ITGB6: variants seen among roughly 807,000 people sequenced by gnomAD.
ITGB6 encodes integrin beta-6.
Under a neutral mutation model 84.5 loss-of-function variants are expected in ITGB6, and 80 were observed. That is an observed-to-expected ratio of 0.95 (90% CI 0.79 to 1.14). The LOEUF (loss-of-function observed/expected upper bound fraction) is 1.14, where lower values mean the gene tolerates loss of function less well. Ranked by LOEUF, ITGB6 falls within the 50% of genes most tolerant of loss-of-function variation. ITGB6 has a pLI of 0.00. For missense variants in ITGB6, 1,006 were observed against 968.0 expected (o/e 1.04, Z -0.52); for synonymous variants, 383 against 354.9 (o/e 1.08, Z -0.89).
At position 160,142,276 on chromosome 2, in the gene ITGB6, T is replaced by A. The variant is rs190151978; in HGVS notation, c.1018-205A>T. On this transcript the variant is annotated intron_variant, in intron 7 of 14. Transcript: ENST00000283249. ...CAAGTGGAAAATGGACTGGACAGAGTCAGCACTGGGGAAATCTAGGGTCTG... is the reference window on the plus strand; with the variant it reads ...CAAGTGGAAAATGGACTGGACAGAGACAGCACTGGGGAAATCTAGGGTCTG... Among the ~76,000 whole-genome samples, 3 of 152,222 alleles carry A rather than the reference T, an allele frequency of 2.0e-5. No individual in the cohort carries two copies. The East Asian group carries it at 5.8e-4, about 29-fold the overall frequency.
intron 6 of ITGB6, among the ~76,000 whole-genome samples, chr2:160,172,231 T>C (rs1685233066): frequency 6.6e-6 from 1 of 152,252 alleles, no homozygotes; most frequent in Non-Finnish European, 1.5e-5. Flanking sequence ...ATGTGGCTAC[T>C]GTTCTGGTCT....
rs201436504 is a variant in ITGB6 at position 160,150,828 on chromosome 2, T to TA, written c.1018-8758dup. On this transcript the variant is annotated intron_variant, in intron 7 of 14. Transcript: ENST00000283249. ...TCCTAGTTTCTGATAAAACAGACTTTAAACCAACAAAGATCAAAAGAGACA... is the reference window on the plus strand; with the variant it reads ...TCCTAGTTTCTGATAAAACAGACTTTAAAACCAACAAAGATCAAAAGAGACA... 8.8e-3 allele frequency among the ~76,000 whole-genome samples: 1,346 copies of TA among 152,136 alleles called. 19 individuals carry two copies. The highest frequency in any genetic ancestry group is 0.031 in the African/African-American group (1,274 of 41,496).
intron 4 of ITGB6, among the ~76,000 whole-genome samples, chr2:160,194,650 C>T (rs1344036022): frequency 6.6e-6 from 1 of 152,100 alleles, no homozygotes; most frequent in Non-Finnish European, 1.5e-5. Context: ...AAACCTTCCA[C>T]ACGAGATCTG....
intron 4 of ITGB6, among the ~76,000 whole-genome samples, chr2:160,186,644 C>T (rs1044175614): frequency 3.3e-5 from 5 of 152,000 alleles, no homozygotes; most frequent in African/African-American, 4.8e-5. Flanking sequence ...TAAATCATTC[C>T]ACTATAAAGA....
At chr2:160,179,832 T>C (rs1685588384) in intron 4 of ITGB6, among the ~76,000 whole-genome samples, 1 of 148,948 alleles carries the variant, frequency 6.7e-6, no homozygotes, top group Non-Finnish European at 1.5e-5. Context: ...GCAGGGTGGT[T>C]CACGCCTGTA....
In ITGB6 at chr2:160,156,027, T is replaced by G. The variant is rs188370286; in HGVS notation, c.1017+13185A>C. On this transcript the variant is annotated intron_variant, in intron 7 of 14. Coordinates refer to ENST00000283249, the MANE Select transcript of ITGB6 (RefSeq NM_000888.5). The stretch of plus-strand genomic sequence containing the variant: ...TAAAGCTGAACATAAGCACACTCTG[T>G]GATCTAGCAATTCTACTCCTATAGA... Among the ~76,000 whole-genome samples the G allele has an allele frequency of 7.7e-4, 117 of 152,336 alleles. 1 individual carries two copies. Among genetic ancestry groups the G allele is most frequent in the African/African-American group, 2.5e-3 (104 of 41,588 alleles).
At chr2:160,141,716 C>T (rs1389232217) in intron 8 of ITGB6, among the ~76,000 whole-genome samples, 1 of 152,074 alleles carries the variant, frequency 6.6e-6, no homozygotes, top group Admixed American at 6.5e-5. Flanking sequence ...TTTGCGGCAA[C>T]AATGTTACTG....
At chr2:160,115,871 G>A (rs933999858) in intron 12 of ITGB6, among the ~76,000 whole-genome samples, 1 of 152,108 alleles carries the variant, frequency 6.6e-6, no homozygotes, top group Admixed American at 6.5e-5. Context: ...GAATGCAGAA[G>A]CCTCAGGAAC....
chr2:160,174,541 C>A (rs1574120672), intron 4 of ITGB6, among the ~76,000 whole-genome samples: 1 of 151,494 alleles, frequency 6.6e-6, no homozygotes, highest in Non-Finnish European at 1.5e-5. Flanking sequence ...CACCCTGTAG[C>A]AAGACAAGAG....
intron 7 of ITGB6, among the ~76,000 whole-genome samples, chr2:160,146,488 A>G (rs1248266380): frequency 6.6e-6 from 1 of 152,202 alleles, no homozygotes; most frequent in Non-Finnish European, 1.5e-5. Context: ...TAATCTGGAA[A>G]TAGACTTACT....
intron 8 of ITGB6, among the ~76,000 whole-genome samples, chr2:160,138,501 T>C (rs562200899): frequency 1.3e-5 from 2 of 152,346 alleles, no homozygotes; most frequent in African/African-American, 4.8e-5. Context: ...CATCTATCAT[T>C]GCTTTGAAAA....
intron 7 of ITGB6, among the ~76,000 whole-genome samples, chr2:160,161,257 T>C (rs1304512915): frequency 6.6e-6 from 1 of 152,198 alleles, no homozygotes; most frequent in Non-Finnish European, 1.5e-5. Flanking sequence ...AATTTTGATG[T>C]ATAACTACAT....
chr2:160,101,835 C>A lies in ITGB6; in HGVS notation c.2269-1G>T. 2 of 1,377,418 alleles carry A rather than the reference C, an allele frequency of 1.5e-6. No homozygotes were observed. The highest frequency in any genetic ancestry group is 2.5e-5 in the Admixed American group (1 of 39,810). 85.3% of individuals were successfully genotyped at this position (1,377,418 alleles called of 1,614,324 possible). ...ATCCTCTGTAGAGTGGATTGGTTCC[C>A]TGGAAAAAAAAAAAAGATTCAAGTG... On this transcript the variant is annotated splice_acceptor_variant, in intron 14 of 14. Coordinates refer to ENST00000283249, the MANE Select transcript of ITGB6 (RefSeq NM_000888.5). LOFTEE classifies it high-confidence loss of function.
At chr2:160,114,625 C>T (rs1314306089) in intron 12 of ITGB6, among the ~76,000 whole-genome samples, 1 of 152,192 alleles carries the variant, frequency 6.6e-6, no homozygotes, top group East Asian at 1.9e-4. Flanking sequence ...GTACCGGGTT[C>T]ATCTCACTAG....
chr2:160,186,092 C>A (rs6735398), intron 4 of ITGB6, among the ~76,000 whole-genome samples: 1,644 of 152,006 alleles, frequency 0.011, 32 homozygotes, highest in African/African-American at 0.038. Context: ...CACCAAAAGC[C>A]ATGGCAATAA....
chr2:160,134,812 T>C (rs1381581104), intron 10 of ITGB6, among the ~76,000 whole-genome samples: 1 of 152,232 alleles, frequency 6.6e-6, no homozygotes, highest in African/African-American at 2.4e-5. Flanking sequence ...ACCACATCAT[T>C]ATCTCAATAG....
Position 160,123,869 on chromosome 2 carries a change from G to C in ITGB6, c.1903C>G (p.Leu635Val). The C allele has an allele frequency of 6.2e-7, 1 of 1,613,856 alleles. No homozygotes were observed. Among genetic ancestry groups the C allele is most frequent in the South Asian group, 1.1e-5 (1 of 91,060 alleles). ...NSKRSCIECH[L>V]SAAGQAREEC... Reference sequence around the variant, plus strand: ...TCTCGGGCTTGGCCAGCTGCTGACAGGTGGCACTCAATGCAGCTCCTGTGG... The same window carrying C: ...TCTCGGGCTTGGCCAGCTGCTGACACGTGGCACTCAATGCAGCTCCTGTGG... Residue 635 changes from leucine to valine, a missense_variant, in exon 12 of 15, where the codon CTG (leucine) becomes GTG (valine). Leu to Val is a conservative substitution (Grantham distance 32). Transcript: ENST00000283249.
At chr2:160,185,661 C>A (rs1295199765) in intron 4 of ITGB6, among the ~76,000 whole-genome samples, 1 of 152,156 alleles carries the variant, frequency 6.6e-6, no homozygotes, top group Admixed American at 6.5e-5. Flanking sequence ...GCCCATTTAG[C>A]AAAGACAATC....
At position 160,157,225 on chromosome 2, in the gene ITGB6, A is replaced by G. The variant is rs377726486; in HGVS notation, c.1017+11987T>C. ...TGACCTCCTATTAGGTTAACTTATT[A>G]TTTCCACAATGACCCTGTTTCCAAA... is the stretch of plus-strand genomic sequence containing the variant. On this transcript the variant is annotated intron_variant, in intron 7 of 14. Coordinates refer to ENST00000283249, the MANE Select transcript of ITGB6 (RefSeq NM_000888.5). Among the ~76,000 whole-genome samples, 3 of 152,288 alleles carry G rather than the reference A, an allele frequency of 2.0e-5. No individual in the cohort carries two copies. The South Asian group carries it at 6.2e-4, about 32-fold the overall frequency.
Sources: gnomAD v4.1 joint callset for allele counts (sites outside exome capture counted in the v4.1 genomes callset) on GRCh38, gnomAD v4.1.1 for gene constraint, MANE v1.5 for transcripts, NCBI Gene and HGNC (gene_info 2026-07-23, HGNC 2026-07-21) for gene names.